KCNK10: variants seen among roughly 807,000 people sequenced by gnomAD.
KCNK10 encodes potassium two pore domain channel subfamily K member 10.
In KCNK10, 25 loss-of-function variants were observed where a neutral mutation model predicts 47.7. The observed-to-expected ratio is 0.52, with a 90% CI of 0.38 to 0.73. KCNK10 has a LOEUF of 0.73. KCNK10 is among the 30% of genes least tolerant of loss of function. The pLI, the probability that KCNK10 is intolerant of heterozygous loss-of-function variation, is 0.00. For synonymous variants in KCNK10, 303 were observed against 285.6 expected, an observed-to-expected ratio of 1.06 and a Z score of -0.61; for missense variants, 563 against 714.5, an observed-to-expected ratio of 0.79 and a Z score of 2.42.
At chr14:88,301,851 C>T (rs1013898254) in intron 1 of KCNK10, among the ~76,000 whole-genome samples, 6 of 152,040 alleles carry the variant, frequency 3.9e-5, no homozygotes, top group Non-Finnish European at 8.8e-5. Context: ...GAAAGAGGAA[C>T]CGATAGAGAA....
intron 1 of KCNK10, among the ~76,000 whole-genome samples, chr14:88,290,852 C>A (rs1459577490): frequency 6.6e-6 from 1 of 152,128 alleles, no homozygotes; most frequent in Non-Finnish European, 1.5e-5. Context: ...AGAGGAAGAC[C>A]TTTTCATTCA....
chr14:88,213,176 A>G (rs1000823859), intron 4 of KCNK10, among the ~76,000 whole-genome samples: 2 of 152,216 alleles, frequency 1.3e-5, no homozygotes, highest in African/African-American at 4.8e-5. Flanking sequence ...AGCACACTCA[A>G]TTCAATAAGG....
intron 4 of KCNK10, among the ~76,000 whole-genome samples, chr14:88,221,971 G>T (rs1742136): frequency 1.3e-5 from 2 of 152,230 alleles, no homozygotes; most frequent in Admixed American, 1.3e-4. Context: ...CAGTATGATT[G>T]CAACTACACA....
chr14:88,302,837 G>GA, intron 1 of KCNK10, among the ~76,000 whole-genome samples: 1 of 152,242 alleles, frequency 6.6e-6, no homozygotes, highest in African/African-American at 2.4e-5. Flanking sequence ...AAGGGTCAGG[G>GA]AAAATGTGGC....
intron 4 of KCNK10, among the ~76,000 whole-genome samples, chr14:88,200,526 T>C (rs535561803): frequency 6.6e-6 from 1 of 152,282 alleles, no homozygotes; most frequent in Non-Finnish European, 1.5e-5. Flanking sequence ...ACTTTCTAGT[T>C]AGACTAGGAA....
intron 1 of KCNK10, among the ~76,000 whole-genome samples, chr14:88,267,254 C>T (rs767000266): frequency 6.6e-6 from 1 of 152,178 alleles, no homozygotes; most frequent in Admixed American, 6.5e-5. Context: ...GTTACAAAAC[C>T]TTTTGTGCAT....
intron 2 of KCNK10, among the ~76,000 whole-genome samples, chr14:88,255,106 C>T (rs914295239): frequency 6.6e-6 from 1 of 152,184 alleles, no homozygotes; most frequent in Non-Finnish European, 1.5e-5. Flanking sequence ...ATATTCCCCA[C>T]GTGGAGTGCT....
intron 3 of KCNK10, among the ~76,000 whole-genome samples, chr14:88,231,888 A>C (rs558168209): frequency 2.1e-4 from 32 of 152,366 alleles, no homozygotes; most frequent in African/African-American, 6.7e-4. Flanking sequence ...GGGATCTCTG[A>C]TACTAAGGAG....
At chr14:88,222,517 A>T (rs916974330) in intron 4 of KCNK10, among the ~76,000 whole-genome samples, 45 of 152,308 alleles carry the variant, frequency 3.0e-4, no homozygotes, top group African/African-American at 1.0e-3. Flanking sequence ...TACAACACCA[A>T]GAGTGAACCC....
At chr14:88,223,851 GT>G (rs1197704783) in intron 4 of KCNK10, among the ~76,000 whole-genome samples, 1 of 151,898 alleles carries the variant, frequency 6.6e-6, no homozygotes, top group Non-Finnish European at 1.5e-5. Context: ...TTTACATCTA[GT>G]TTAATATGTT....
intron 3 of KCNK10, among the ~76,000 whole-genome samples, chr14:88,229,994 C>G (rs1453313041): frequency 6.6e-6 from 1 of 152,068 alleles, no homozygotes; most frequent in African/African-American, 2.4e-5. Context: ...TTCTATTTAC[C>G]AACTCTCAGG....
intron 1 of KCNK10, among the ~76,000 whole-genome samples, chr14:88,310,187 C>CCATATGATATGGTATATCATATAA (rs1888289073): frequency 7.6e-6 from 1 of 131,622 alleles, no homozygotes; most frequent in African/African-American, 2.6e-5. Context: ...ATATGATATA[C>CCATATGATATGGTATATCATATAA]CATATCATAT....
chr14:88,247,353 C>T (rs1002953892), intron 2 of KCNK10, among the ~76,000 whole-genome samples: 4 of 152,094 alleles, frequency 2.6e-5, no homozygotes, highest in African/African-American at 7.2e-5. Flanking sequence ...TGAGTGGACA[C>T]ACCCCAATCA....
At chr14:88,251,232 C>CAAAAAAA (rs1160023262) in intron 2 of KCNK10, among the ~76,000 whole-genome samples, 5 of 70,122 alleles carry the variant, frequency 7.1e-5, no homozygotes, top group African/African-American at 1.8e-4. Flanking sequence ...GACTCTGTCT[C>CAAAAAAA]AAAAAAAAAA....
intron 4 of KCNK10, among the ~76,000 whole-genome samples, chr14:88,215,727 G>T (rs1297732836): frequency 6.6e-6 from 1 of 152,078 alleles, no homozygotes; most frequent in African/African-American, 2.4e-5. Flanking sequence ...TGTGATCAAA[G>T]CTTGCCGGGG....
rs1379453868 is a variant in KCNK10, at chr14:88,184,253, T to G, written c.*1282A>C. ...TCAGTCTAGGGTGTTCCAGTTTTAG[T>G]GAGTAACCGATGTGAGATGTAGAAA... On this transcript the variant is annotated 3_prime_UTR_variant, in exon 7 of 7. Transcript: ENST00000319231. 1 of 152,296 alleles carries G rather than the reference T, an allele frequency of 6.6e-6. No homozygotes were observed. Among genetic ancestry groups the G allele is most frequent in the Non-Finnish European group, 1.5e-5 (1 of 68,006 alleles). The allele number at this position is 152,296 out of a possible 1,614,324, so 9.4% of individuals were successfully genotyped here.
intron 3 of KCNK10, among the ~76,000 whole-genome samples, chr14:88,237,305 A>C (rs1886325987): frequency 6.6e-6 from 1 of 152,208 alleles, no homozygotes; most frequent in Non-Finnish European, 1.5e-5. Flanking sequence ...ACACATCAGC[A>C]GTGGCATCCT....
At chr14:88,307,967 CT>C (rs1435544752) in intron 1 of KCNK10, among the ~76,000 whole-genome samples, 1 of 152,072 alleles carries the variant, frequency 6.6e-6, no homozygotes, top group Non-Finnish European at 1.5e-5. Context: ...GGAGCAGGTA[CT>C]TTTATCATTT....
At chr14:88,200,035 TTC>T (rs371233466) in intron 4 of KCNK10, among the ~76,000 whole-genome samples, 84 of 151,864 alleles carry the variant, frequency 5.5e-4, no homozygotes, top group South Asian at 3.1e-3. Context: ...CCTTCTTTCT[TTC>T]TCTCTTTCTT....
Sources: gnomAD v4.1 joint callset for allele counts (sites outside exome capture counted in the v4.1 genomes callset) on GRCh38, gnomAD v4.1.1 for gene constraint, MANE v1.5 for transcripts, NCBI Gene and HGNC (gene_info 2026-07-23, HGNC 2026-07-21) for gene names.